DGKB: variants seen among roughly 807,000 people sequenced by gnomAD.
DGKB encodes 90 kDa diacylglycerol kinase.
In DGKB, 67 loss-of-function variants were observed where a neutral mutation model predicts 114.3. The ratio of observed to expected loss-of-function variants is 0.59; its 90% CI spans 0.48 to 0.72. The LOEUF (loss-of-function observed/expected upper bound fraction) is 0.72, where lower values mean the gene tolerates loss of function less well. Ranked by LOEUF, DGKB falls within the 30% of genes least tolerant of loss-of-function variation. The pLI is 0.00. For missense variants in DGKB, 907 were observed against 975.2 expected (o/e 0.93, Z 0.93); for synonymous variants, 398 against 323.1 (o/e 1.23, Z -2.49).
chr7:14,515,359 C>A (rs914824385), intron 20 of DGKB, among the ~76,000 whole-genome samples: 1 of 152,088 alleles, frequency 6.6e-6, no homozygotes, highest in Non-Finnish European at 1.5e-5. Flanking sequence ...TATTTGAGAT[C>A]TCATAATAAG....
intron 25 of DGKB, among the ~76,000 whole-genome samples, chr7:14,163,056 A>C (rs1386719118): frequency 6.6e-6 from 1 of 152,186 alleles, no homozygotes; most frequent in East Asian, 1.9e-4. Context: ...TGAGCCTTTA[A>C]ATTAATAGAG....
intron 21 of DGKB, among the ~76,000 whole-genome samples, chr7:14,457,527 A>AT (rs1202167907): frequency 1.3e-5 from 2 of 152,190 alleles, no homozygotes; most frequent in Non-Finnish European, 2.9e-5. Flanking sequence ...AATAAAAAAG[A>AT]TTTTTTTAAA....
Position 14,672,984 on chromosome 7 carries a change from C to G in DGKB, c.1079G>C (p.Cys360Ser). The change falls in exon 13 of 26, where the codon TGT (cysteine) becomes TCT (serine). Residue 360 changes from cysteine (C) to serine (S), a missense_variant. Transcript: ENST00000402815. ...TAAAATATGGTCCTTCAAAGGTCCACAGTCACATTCAGGTTTTAGATGAGA... is the reference window on the plus strand; with the variant it reads ...TAAAATATGGTCCTTCAAAGGTCCAGAGTCACATTCAGGTTTTAGATGAGA... ...CASHLKPECD[C>S]GPLKDHILPP... 1 of 1,578,764 alleles carries G rather than the reference C, an allele frequency of 6.3e-7. No individual in the cohort carries two copies. The highest frequency in any genetic ancestry group is 8.6e-7 in the Non-Finnish European group (1 of 1,160,558).
At position 14,413,294 on chromosome 7, in the gene DGKB, T is replaced by C. The variant is rs186884844; in HGVS notation, c.1835+64867A>G. On this transcript the variant is annotated intron_variant, in intron 21 of 25. Coordinates refer to ENST00000402815, the MANE Select transcript of DGKB (RefSeq NM_001350709.2). ...TGAGAAGCAGCTGATGAAGATGACA[T>C]AGAACTTTTACTTGCATAACAAAAT... Among the ~76,000 whole-genome samples the C allele has an allele frequency of 3.4e-3, 525 of 152,210 alleles. 7 individuals are homozygous for C. Among genetic ancestry groups the C allele is most frequent in the Non-Finnish European group, 1.6e-3 (108 of 67,998 alleles).
chr7:14,468,834 G>A (rs1445337901), intron 21 of DGKB, among the ~76,000 whole-genome samples: 1 of 151,728 alleles, frequency 6.6e-6, no homozygotes, highest in South Asian at 2.1e-4. Context: ...TTCTTTATTT[G>A]TTATCCTAGA....
intron 1 of DGKB, among the ~76,000 whole-genome samples, chr7:14,931,293 G>T (rs59911283): frequency 0.22 from 33,011 of 151,812 alleles, 5,678 homozygotes; most frequent in East Asian, 0.77. Flanking sequence ...TGTATTTTTA[G>T]TAGAGAAAGA....
At chr7:14,270,270 C>G (rs746025283) in intron 23 of DGKB, among the ~76,000 whole-genome samples, 1 of 152,154 alleles carries the variant, frequency 6.6e-6, no homozygotes, top group Non-Finnish European at 1.5e-5. Flanking sequence ...ATGCTGCGTT[C>G]TCTTCTTTCT....
intron 20 of DGKB, among the ~76,000 whole-genome samples, chr7:14,509,595 A>C (rs1787662116): frequency 6.6e-6 from 1 of 152,194 alleles, no homozygotes; most frequent in Non-Finnish European, 1.5e-5. Flanking sequence ...GTTCTCCTTC[A>C]CATATTAATC....
At chr7:14,696,941 AC>A (rs1824042844) in intron 8 of DGKB, among the ~76,000 whole-genome samples, 1 of 152,222 alleles carries the variant, frequency 6.6e-6, no homozygotes, top group African/African-American at 2.4e-5. Flanking sequence ...ATAGATGTGA[AC>A]AGAGGTTAAA....
chr7:14,541,997 T>C (rs1343652307), intron 20 of DGKB, among the ~76,000 whole-genome samples: 1 of 152,156 alleles, frequency 6.6e-6, no homozygotes, highest in Non-Finnish European at 1.5e-5. Context: ...CCATACTTGT[T>C]ATTGGCCTCC....
intron 1 of DGKB, among the ~76,000 whole-genome samples, chr7:14,864,176 GTTATT>G (rs1342738464): frequency 6.7e-6 from 1 of 149,196 alleles, no homozygotes; most frequent in African/African-American, 2.5e-5. Context: ...AATTGTATTT[GTTATT>G]TTATAATTAT....
chr7:14,265,355 C>T (rs1797353463), intron 23 of DGKB, among the ~76,000 whole-genome samples: 1 of 69,032 alleles, frequency 1.4e-5, no homozygotes, highest in African/African-American at 6.7e-5. Context: ...TAGTCTCATT[C>T]AGATATTACC....
At chr7:14,871,911 G>C (rs997965596) in intron 1 of DGKB, among the ~76,000 whole-genome samples, 2 of 151,956 alleles carry the variant, frequency 1.3e-5, no homozygotes, top group Non-Finnish European at 2.9e-5. Context: ...ATAACCTTTA[G>C]AAGTTTGAAA....
rs1781424476 is a variant in DGKB at position 14,145,852 on chromosome 7, G to A, written c.*3279C>T. 1 of 152,214 alleles carries A rather than the reference G, an allele frequency of 6.6e-6. No individual in the cohort carries two copies. Among genetic ancestry groups the A allele is most frequent in the African/African-American group, 2.4e-5 (1 of 41,462 alleles). The allele number at this position is 152,214 out of a possible 1,614,324, so 9.4% of individuals were successfully genotyped here. A position where few individuals can be genotyped will look rare whatever the true frequency, so the allele number is the denominator to read the frequency against. On this transcript the variant is annotated 3_prime_UTR_variant, in exon 26 of 26. Coordinates refer to ENST00000402815, the MANE Select transcript of DGKB (RefSeq NM_001350709.2). The stretch of plus-strand genomic sequence containing the variant: ...ATCTTGTCTCATTCAAGAATACAGT[G>A]TGAGATTCAAGGAGAATACAGTGTG...
chr7:14,649,973 C>T (rs941192460), intron 13 of DGKB, among the ~76,000 whole-genome samples: 6 of 149,412 alleles, frequency 4.0e-5, no homozygotes, highest in Non-Finnish European at 9.0e-5. Context: ...GCACCCAATA[C>T]AGGAGCACCC....
chr7:14,925,069 T>C (rs1277112601), intron 1 of DGKB, among the ~76,000 whole-genome samples: 1 of 152,224 alleles, frequency 6.6e-6, no homozygotes, highest in Non-Finnish European at 1.5e-5. Context: ...TACAATTCTC[T>C]ATAGATTCAC....
chr7:14,580,977 A>T, intron 18 of DGKB, 26 bp from the exon 19 acceptor site: 1 of 1,531,728 alleles, frequency 6.5e-7, no homozygotes, highest in Non-Finnish European at 8.9e-7. Context: ...AAATACAAAT[A>T]AAGAAAATTT....
intron 21 of DGKB, among the ~76,000 whole-genome samples, chr7:14,360,746 A>G (rs983125920): frequency 2.6e-5 from 4 of 152,118 alleles, no homozygotes; most frequent in Non-Finnish European, 5.9e-5. Context: ...GACACCCCAA[A>G]TCACTAGGCA....
At chr7:14,642,967 T>C (rs1481251785) in intron 13 of DGKB, among the ~76,000 whole-genome samples, 1 of 152,196 alleles carries the variant, frequency 6.6e-6, no homozygotes, top group Admixed American at 6.5e-5. Context: ...GCTATATGTT[T>C]AAGATTTCCC....
Sources: allele counts gnomAD v4.1 joint callset (sites outside exome capture counted in the v4.1 genomes callset), GRCh38; gene constraint gnomAD v4.1.1; transcripts MANE v1.5; gene names NCBI Gene and HGNC (gene_info 2026-07-23, HGNC 2026-07-21).